TRIM50: variants seen among roughly 807,000 people sequenced by gnomAD.
The protein encoded by TRIM50 is tripartite motif containing 50, also known as E3 ubiquitin-protein ligase TRIM50.
TRIM50 carries 34 observed loss-of-function variants against 44.9 expected under a neutral mutation model. The ratio of observed to expected loss-of-function variants is 0.76; its 90% CI spans 0.58 to 1.01. TRIM50 has a LOEUF of 1.01. TRIM50 is among the 50% of genes least tolerant of loss of function. TRIM50 has a pLI of 0.00. For missense variants in TRIM50, 633 were observed against 663.7 expected, an observed-to-expected ratio of 0.95 and a Z score of 0.51; for synonymous variants, 307 against 291.1, an observed-to-expected ratio of 1.05 and a Z score of -0.56.
chr7:73,315,979 C>T lies in TRIM50; in HGVS notation c.874+586G>A, dbSNP rs187374957. Among the ~76,000 whole-genome samples, 38 of 151,486 alleles carry T rather than the reference C, an allele frequency of 2.5e-4. 1 individual carries two copies. Among genetic ancestry groups the T allele is most frequent in the African/African-American group, 9.2e-4 (38 of 41,274 alleles). ...CACTGCAACCTCCACCTCCCTGGTT[C>T]AAGTGATTCTCCTGCTTCAGGCTCC... is the stretch of plus-strand genomic sequence containing the variant. On this transcript the variant is annotated intron_variant, in intron 6 of 6. Transcript: ENST00000333149.
chr7:73,322,850 G>A (rs868915646), intron 2 of TRIM50, among the ~76,000 whole-genome samples: 3 of 152,042 alleles, frequency 2.0e-5, no homozygotes, highest in Non-Finnish European at 2.9e-5. Context: ...CACACCTCTC[G>A]CCCTGAGCCC....
At chr7:73,317,589 C>G (rs2115734862) in intron 5 of TRIM50, among the ~76,000 whole-genome samples, 1 of 152,202 alleles carries the variant, frequency 6.6e-6, no homozygotes. Flanking sequence ...AACTCCTGAC[C>G]TGAAGGCATC....
chr7:73,324,303 C>G (rs1181692659), intron 2 of TRIM50, 86 bp downstream of exon 2: 5 of 1,602,032 alleles, frequency 3.1e-6, no homozygotes, highest in Non-Finnish European at 4.3e-6. Context: ...TAGCTGGATC[C>G]TTTTGGTGCC....
intron 6 of TRIM50, 42 bp downstream of exon 6, chr7:73,316,523 T>G: frequency 1.9e-6 from 3 of 1,611,028 alleles, no homozygotes; most frequent in Non-Finnish European, 1.7e-6. Flanking sequence ...CCACCTGCCC[T>G]GGGCGGCAGC....
At position 73,313,460 on chromosome 7, in the gene TRIM50, G is replaced by A. The variant is rs1554543583; in HGVS notation, c.925C>T (p.Leu309Phe). Residue 309 changes from leucine (L) to phenylalanine (F), a missense_variant, in exon 7 of 7, where the codon CTC becomes TTC. Physicochemically the swap from Leu to Phe is conservative, Grantham distance 22. Coordinates refer to ENST00000333149, the MANE Select transcript of TRIM50 (RefSeq NM_178125.3). This position sits in a 1 kb window ranked among gnomAD's most constrained non-coding sequence, Gnocchi z 4.9. ...DPATAHPLLE[L>F]SKGNTVVQCG... Reference sequence around the variant, plus strand: ...TGCACCACCGTGTTGCCCTTGGAGAGCTCCAGGAGTGGGTGGGCAGTGGCA... The same window carrying A: ...TGCACCACCGTGTTGCCCTTGGAGAACTCCAGGAGTGGGTGGGCAGTGGCA... The A allele has an allele frequency of 6.5e-7, 1 of 1,545,108 alleles. No individual in the cohort carries two copies.
Position 73,327,913 on chromosome 7 carries a change from C to T in TRIM50, c.-32G>A, listed in dbSNP as rs1804679254. 1 of 463,416 alleles carries T rather than the reference C, an allele frequency of 2.2e-6. No individual in the cohort carries two copies. The highest frequency in any genetic ancestry group is 3.6e-5 in the Admixed American group (1 of 27,580). The allele number at this position is 463,416 out of a possible 1,614,324, so 28.7% of individuals were successfully genotyped here. On this transcript the variant is annotated 5_prime_UTR_variant, in exon 1 of 7. Transcript: ENST00000333149. The stretch of plus-strand genomic sequence containing the variant: ...CTCGTTACGTACCCAGCCTCCGGCC[C>T]CTGTAAGTGCCCCATCGTGCTCTCT...
Position 73,313,003 on chromosome 7 carries a change from C to G in TRIM50, c.1382G>C (p.Arg461Thr). ...CACCATGGGCAGCGAGTTGCTGCCC[C>G]TCTCGTGCCAGCAGGTGTCCAGGAT... ...YPILDTCWHE[R>T]GSNSLPMVLP... Residue 461 changes from arginine to threonine, a missense_variant, in exon 7 of 7, where the codon AGG (arginine) becomes ACG (threonine). Arg to Thr is a moderately conservative substitution (Grantham distance 71). Transcript: ENST00000333149. The surrounding 1 kb of genome is among the most constrained non-coding windows in gnomAD (Gnocchi z 4.9). The G allele has an allele frequency of 6.4e-7, 1 of 1,554,670 alleles. No homozygotes were observed. The highest frequency in any genetic ancestry group is 8.7e-7 in the Non-Finnish European group (1 of 1,148,704).
chr7:73,324,259 A>G (rs1804560514), intron 2 of TRIM50, 130 bp downstream of exon 2: 1 of 1,506,524 alleles, frequency 6.6e-7, no homozygotes, highest in Admixed American at 2.2e-5. Flanking sequence ...TAAGGAATGA[A>G]TGCGCCAGGG....
chr7:73,324,847 C>G lies in TRIM50; in HGVS notation c.-18-42G>C, dbSNP rs1475814478. On this transcript the variant is annotated intron_variant, in intron 1 of 6. Coordinates refer to ENST00000333149, the MANE Select transcript of TRIM50 (RefSeq NM_178125.3). ...CGACCTCAGTCCTGTCCCCTCCCCTCCCCCTGTCCAGCACTCATCCACCAC... is the reference window on the plus strand; with the variant it reads ...CGACCTCAGTCCTGTCCCCTCCCCTGCCCCTGTCCAGCACTCATCCACCAC... 29 of 1,608,782 alleles carry G rather than the reference C, an allele frequency of 1.8e-5. No individual in the cohort carries two copies. In the Admixed American group the frequency reaches 4.2e-4, roughly 23 times the overall value.
chr7:73,320,374 C>T (rs1340268456), intron 2 of TRIM50, 132 bp from the exon 3 acceptor site: 30 of 1,320,912 alleles, frequency 2.3e-5, no homozygotes, highest in Admixed American at 1.6e-4. Flanking sequence ...CAGAGCCACC[C>T]AGGTACCCTT....
rs1427463506 is a variant in TRIM50, at chr7:73,314,631, T to C, written c.875-1121A>G. On this transcript the variant is annotated intron_variant, in intron 6 of 6. Transcript: ENST00000333149. ...TGGGAGGCTGAGACAGGCAGATCAC[T>C]TGAGGCCAGGAGTTTGCAAGCAGCC... The C allele has an allele frequency of 2.0e-5, 5 of 245,732 alleles. No homozygotes were observed. The East Asian group carries it at 7.0e-4, about 35-fold the overall frequency. 15.2% of individuals were successfully genotyped at this position (245,732 alleles called of 1,614,324 possible).
rs1406963123 is a variant in TRIM50, at chr7:73,313,248, G to T, written c.1137C>A (p.Ser379=). 2.5e-6 allele frequency: 4 copies of T among 1,598,550 alleles called. No individual in the cohort carries two copies. The highest frequency in any genetic ancestry group is 1.7e-5 in the Admixed American group (1 of 57,528). The part of the protein sequence containing the change: ...TASRKGKLNR[S]PEHGVWLIGL... ...CGATCAGCCACACGCCGTGCTCGGGGGACCTGTTCAGCTTGCCCTTACGGC... is the reference window on the plus strand; with the variant it reads ...CGATCAGCCACACGCCGTGCTCGGGTGACCTGTTCAGCTTGCCCTTACGGC... Residue 379 remains serine, a synonymous_variant, in exon 7 of 7, where the codon TCC becomes TCA. Transcript: ENST00000333149. The surrounding 1 kb of genome is among the most constrained non-coding windows in gnomAD (Gnocchi z 4.9).
At chr7:73,326,278 T>A (rs1346353294) in intron 1 of TRIM50, among the ~76,000 whole-genome samples, 4 of 151,956 alleles carry the variant, frequency 2.6e-5, no homozygotes, top group Non-Finnish European at 4.4e-5. Context: ...GTTTTATTTA[T>A]TTTAGTAGAG....
At chr7:73,326,798 T>C (rs1362648814) in intron 1 of TRIM50, among the ~76,000 whole-genome samples, 2 of 152,152 alleles carry the variant, frequency 1.3e-5, no homozygotes, top group East Asian at 3.8e-4. Flanking sequence ...ACAGGTTTTG[T>C]TTGTTTTCTG....
intron 1 of TRIM50, among the ~76,000 whole-genome samples, chr7:73,327,552 G>C (rs1188647120): frequency 1.3e-5 from 2 of 152,232 alleles, no homozygotes; most frequent in African/African-American, 4.8e-5. Flanking sequence ...ATGGAAGAGA[G>C]AAAGTGAAAG....
chr7:73,324,891 C>A (rs528284379), intron 1 of TRIM50, 86 bp from the exon 2 acceptor site: 3 of 1,562,296 alleles, frequency 1.9e-6, no homozygotes, highest in Admixed American at 1.9e-5. Flanking sequence ...CTAAGGAGCA[C>A]CAGAATTTTA....
At chr7:73,320,074 C>T in intron 3 of TRIM50, 73 bp downstream of exon 3, 1 of 1,611,768 alleles carries the variant, frequency 6.2e-7, no homozygotes, top group Non-Finnish European at 8.5e-7. Context: ...TGTAAAGGAC[C>T]AATGAGAACT....
chr7:73,322,771 T>C (rs1199714465), intron 2 of TRIM50, among the ~76,000 whole-genome samples: 2 of 152,174 alleles, frequency 1.3e-5, no homozygotes, highest in Non-Finnish European at 2.9e-5. Flanking sequence ...CTTATCACTA[T>C]GTAGACTCTC....
intron 6 of TRIM50, chr7:73,314,073 C>T (rs544844232): frequency 1.3e-5 from 4 of 313,012 alleles, no homozygotes; most frequent in African/African-American, 2.2e-5. Context: ...TGTGCTCCCC[C>T]CTGCCCGCCT....
Sources: allele counts gnomAD v4.1 joint callset (sites outside exome capture counted in the v4.1 genomes callset), GRCh38; gene constraint gnomAD v4.1.1; non-coding constraint Gnocchi (gnomAD v3.1); transcripts MANE v1.5; gene names NCBI Gene and HGNC (gene_info 2026-07-23, HGNC 2026-07-21).